PLXNA4: variants seen among roughly 807,000 people sequenced by gnomAD.
PLXNA4 encodes plexin-A4.
Under a neutral mutation model 191.8 loss-of-function variants are expected in PLXNA4, and 44 were observed. The observed-to-expected ratio is 0.23, with a 90% CI of 0.18 to 0.29. The LOEUF (loss-of-function observed/expected upper bound fraction) is 0.29, where lower values mean the gene tolerates loss of function less well. Among genes scored for constraint, PLXNA4 ranks in the 10% least tolerant of loss-of-function variants. The pLI, the probability that PLXNA4 is intolerant of heterozygous loss-of-function variation, is 1.00. For synonymous variants in PLXNA4, 1,082 were observed against 1,009.5 expected, an observed-to-expected ratio of 1.07 and a Z score of -1.36; for missense variants, 1,800 against 2,488.8, an observed-to-expected ratio of 0.72 and a Z score of 5.89.
chr7:132,631,495 A>T (rs1037036389), intron 2 of PLXNA4, among the ~76,000 whole-genome samples: 1 of 152,132 alleles, frequency 6.6e-6, no homozygotes, highest in African/African-American at 2.4e-5. Flanking sequence ...TTTCCAGTAG[A>T]TCATTTAGCT....
chr7:132,401,914 A>AG (rs1794002811), intron 3 of PLXNA4, among the ~76,000 whole-genome samples: 1 of 152,138 alleles, frequency 6.6e-6, no homozygotes, highest in African/African-American at 2.4e-5. Flanking sequence ...TAAGCAAAAG[A>AG]GGGGGAGGCT....
intron 3 of PLXNA4, among the ~76,000 whole-genome samples, chr7:132,409,039 A>C (rs1751693925): frequency 6.6e-6 from 1 of 152,182 alleles, no homozygotes; most frequent in African/African-American, 2.4e-5. Context: ...AAAACACTGT[A>C]ATCATCCTAA....
chr7:132,609,624 C>T (rs1205333761), intron 2 of PLXNA4, among the ~76,000 whole-genome samples: 1 of 152,214 alleles, frequency 6.6e-6, no homozygotes. Context: ...CTGAATTAGA[C>T]TAATAGATAT....
intron 3 of PLXNA4, among the ~76,000 whole-genome samples, chr7:132,454,667 T>C (rs775199942): frequency 1.3e-5 from 2 of 151,828 alleles, no homozygotes; most frequent in Non-Finnish European, 2.9e-5. Flanking sequence ...TAAAATGAGA[T>C]CACTAGGGTG....
At chr7:132,527,991 G>C (rs1407128638) in intron 1 of PLXNA4, among the ~76,000 whole-genome samples, 1 of 152,204 alleles carries the variant, frequency 6.6e-6, no homozygotes, top group East Asian at 1.9e-4. Context: ...CACCTTACAA[G>C]GGCAAGGTGT....
intron 3 of PLXNA4, among the ~76,000 whole-genome samples, chr7:132,382,638 G>T (rs1464861351): frequency 6.6e-6 from 1 of 152,180 alleles, no homozygotes; most frequent in Non-Finnish European, 1.5e-5. Flanking sequence ...ATAACAGAGA[G>T]TACTGGCACT....
chr7:132,583,969 C>A (rs1162164490), intron 2 of PLXNA4, among the ~76,000 whole-genome samples: 1 of 152,184 alleles, frequency 6.6e-6, no homozygotes, highest in Non-Finnish European at 1.5e-5. Context: ...TGGAAATCAG[C>A]CACTGTGGAT....
At chr7:132,648,053 A>G (rs541034922) in intron 1 of PLXNA4, among the ~76,000 whole-genome samples, 34 of 152,124 alleles carry the variant, frequency 2.2e-4, no homozygotes, top group African/African-American at 7.7e-4. Flanking sequence ...ATATACTCAC[A>G]TATACACTCA....
intron 2 of PLXNA4, among the ~76,000 whole-genome samples, chr7:132,505,314 G>A (rs1585238444): frequency 6.6e-6 from 1 of 152,336 alleles, no homozygotes; most frequent in African/African-American, 2.4e-5. Flanking sequence ...TTTTTGTATT[G>A]TGGCAGGAAG....
intron 2 of PLXNA4, among the ~76,000 whole-genome samples, chr7:132,497,124 A>G (rs540547416): frequency 0.014 from 2,079 of 150,588 alleles, 37 homozygotes; most frequent in African/African-American, 0.048. Context: ...GCACGCACGC[A>G]CACACACACA....
At chr7:132,171,611 A>C (rs1796289009) in intron 21 of PLXNA4, among the ~76,000 whole-genome samples, 1 of 152,062 alleles carries the variant, frequency 6.6e-6, no homozygotes, top group Non-Finnish European at 1.5e-5. Context: ...GTGAGGATCC[A>C]CTCTGGGATT....
chr7:132,475,121 G>A (rs1797075479), intron 3 of PLXNA4, among the ~76,000 whole-genome samples: 1 of 152,132 alleles, frequency 6.6e-6, no homozygotes. Flanking sequence ...CAATTTAGAG[G>A]GATGGCTGGC....
intron 3 of PLXNA4, among the ~76,000 whole-genome samples, chr7:132,318,661 C>CT (rs56179808): frequency 0.14 from 15,399 of 109,536 alleles, 1,272 homozygotes; most frequent in African/African-American, 0.22. Context: ...ACGCACTTTG[C>CT]TTTTTTTTTT....
rs115007764 is a variant in PLXNA4, at chr7:132,243,247, A to T, written c.1504-2081T>A. Reference sequence around the variant, plus strand: ...AGTTGGGAAACATAAGTACACAATAATGTTTTCATATGTTCCAGCTGCTTG... The same window carrying T: ...AGTTGGGAAACATAAGTACACAATATTGTTTTCATATGTTCCAGCTGCTTG... On this transcript the variant is annotated intron_variant, in intron 4 of 31. Transcript: ENST00000321063. Among the ~76,000 whole-genome samples the T allele has an allele frequency of 3.6e-3, 554 of 152,298 alleles. 5 individuals are homozygous for T. Among genetic ancestry groups the T allele is most frequent in the African/African-American group, 0.013 (528 of 41,562 alleles).
intron 3 of PLXNA4, among the ~76,000 whole-genome samples, chr7:132,371,717 G>A (rs974885715): frequency 6.6e-6 from 1 of 152,132 alleles, no homozygotes; most frequent in Non-Finnish European, 1.5e-5. Flanking sequence ...TAAAGAGAAG[G>A]CATCAAGGAC....
intron 3 of PLXNA4, among the ~76,000 whole-genome samples, chr7:132,424,883 C>T (rs1332567857): frequency 1.3e-5 from 2 of 152,228 alleles, no homozygotes; most frequent in East Asian, 3.8e-4. Flanking sequence ...GAGTCCTGAC[C>T]ATGGTGTGCC....
At chr7:132,190,195 T>C (rs1402157039) in intron 14 of PLXNA4, among the ~76,000 whole-genome samples, 2 of 152,242 alleles carry the variant, frequency 1.3e-5, no homozygotes, top group Non-Finnish European at 2.9e-5. Context: ...GAAAATTATA[T>C]TCTATTTGTA....
At chr7:132,480,960 T>A (rs942193820) in intron 3 of PLXNA4, among the ~76,000 whole-genome samples, 2 of 152,172 alleles carry the variant, frequency 1.3e-5, no homozygotes, top group Non-Finnish European at 2.9e-5. Context: ...TGAGGCTGAA[T>A]GGCTGAGCCA....
upstream of PLXNA4, among the ~76,000 whole-genome samples, chr7:132,577,738 C>T (rs1248989679): frequency 6.6e-6 from 1 of 152,168 alleles, no homozygotes; most frequent in Admixed American, 6.5e-5. Flanking sequence ...TCAGCCGCCT[C>T]GGAATTTGCA....
Sources: allele counts gnomAD v4.1 joint callset (sites outside exome capture counted in the v4.1 genomes callset), GRCh38; gene constraint gnomAD v4.1.1; transcripts MANE v1.5; gene names NCBI Gene and HGNC (gene_info 2026-07-23, HGNC 2026-07-21).